The following CTDSP2 variants were observed in gnomAD, a reference collection of about 807,000 sequenced individuals.
CTDSP2 encodes CTD small phosphatase 2, also known as carboxy-terminal domain RNA polymerase II polypeptide A small phosphatase 2.
A neutral mutation model predicts 31.6 loss-of-function variants in CTDSP2; 9 were observed. The observed-to-expected ratio is 0.28, with a 90% CI of 0.17 to 0.50. The LOEUF is 0.50. Ranked by LOEUF, CTDSP2 falls within the 20% of genes least tolerant of loss-of-function variation. The pLI is 0.98. For missense variants in CTDSP2, 267 were observed against 348.5 expected (o/e 0.77, Z 1.86); for synonymous variants, 134 against 134.5 (o/e 1.00, Z 0.03).
chr12:57,845,858 C>T (rs559783968), intron 1 of CTDSP2, among the ~76,000 whole-genome samples: 4 of 152,248 alleles, frequency 2.6e-5, no homozygotes, highest in Admixed American at 2.0e-4. Flanking sequence ...TGAACTTGGT[C>T]CCAAGTCCCG....
At position 57,846,705 on chromosome 12, in the gene CTDSP2, G is replaced by A. The variant is rs796472025; in HGVS notation, c.-270C>T. 2.7e-6 allele frequency: 1 copy of A among 368,330 alleles called. No individual in the cohort carries two copies. Among genetic ancestry groups the A allele is most frequent in the South Asian group, 7.4e-5 (1 of 13,470 alleles). The allele number at this position is 368,330 out of a possible 1,614,324, so 22.8% of individuals were successfully genotyped here. On this transcript the variant is annotated 5_prime_UTR_variant, in exon 1 of 8. Coordinates refer to ENST00000398073, the MANE Select transcript of CTDSP2 (RefSeq NM_005730.4). ...GGGCTCCTCAGTTTGGGTCCAACAT[G>A]GAGAATCCGGAGCGAAAACAAGAGG...
At position 57,846,466 on chromosome 12, in the gene CTDSP2, G is replaced by GCTCC; in HGVS notation, c.-32_-31insGGAG. The GCTCC allele has an allele frequency of 6.5e-7, 1 of 1,545,952 alleles. No individual in the cohort carries two copies. Among genetic ancestry groups the GCTCC allele is most frequent in the Non-Finnish European group, 8.7e-7 (1 of 1,146,756 alleles). On this transcript the variant is annotated 5_prime_UTR_variant, in exon 1 of 8. Coordinates refer to ENST00000398073, the MANE Select transcript of CTDSP2 (RefSeq NM_005730.4). The stretch of plus-strand genomic sequence containing the variant: ...AATCCCGCGGGCCCGGGCTGGCTGG[G>GCTCC]CGGGAGGACGGGCGGGCGCGCGGGC...
At chr12:57,837,987 G>A (rs1398487321) in intron 1 of CTDSP2, among the ~76,000 whole-genome samples, 3 of 152,190 alleles carry the variant, frequency 2.0e-5, no homozygotes, top group African/African-American at 7.2e-5. Flanking sequence ...AGCTAGAGAG[G>A]TAAGAGGACT....
intron 1 of CTDSP2, among the ~76,000 whole-genome samples, chr12:57,844,029 TAAAAAATACAA>T (rs1409558132): frequency 6.6e-6 from 1 of 151,938 alleles, no homozygotes; most frequent in Non-Finnish European, 1.5e-5. Context: ...CTGTCTCTAC[TAAAAAATACAA>T]AAAAATTAGC....
Position 57,835,382 on chromosome 12 carries a change from C to T in CTDSP2, c.65-5786G>A, listed in dbSNP as rs561887372. 1.8e-4 allele frequency among the ~76,000 whole-genome samples: 28 copies of T among 152,018 alleles called. No individual in the cohort carries two copies. The Middle Eastern group carries it at 0.02, about 111-fold the overall frequency. On this transcript the variant is annotated intron_variant, in intron 1 of 7. Coordinates refer to ENST00000398073, the MANE Select transcript of CTDSP2 (RefSeq NM_005730.4). Reference sequence around the variant, plus strand: ...ATGTTGCCCAGGCTGGCCTTGAACTCCTGGGCTCAAGCAATCCTCCTGCCT... The same window carrying T: ...ATGTTGCCCAGGCTGGCCTTGAACTTCTGGGCTCAAGCAATCCTCCTGCCT...
Position 57,823,706 on chromosome 12 carries a change from C to T in CTDSP2, c.712G>A (p.Asp238Asn), listed in dbSNP as rs1430900253. The T allele has an allele frequency of 1.2e-6, 2 of 1,614,076 alleles. No homozygotes were observed. The highest frequency in any genetic ancestry group is 2.2e-5 in the East Asian group (1 of 44,880). Residue 238 changes from aspartate to asparagine, a missense_variant, in exon 8 of 8, where the codon GAT becomes AAT. Around this residue, in one of 2 missense-constraint regions of CTDSP2, gnomAD observed 156 missense variants for 241.3 expected, o/e 0.65. Transcript: ENST00000398073. ...AGCAACTCAGTGTCTGCCATGTCAT[C>T]AAACCAGGACTGCACAGGCACCTGG... ...ENAVPVQSWFDDMADTELLNL... is the reference protein window; with the variant it reads ...ENAVPVQSWFNDMADTELLNL...
At chr12:57,833,365 G>A (rs966593144) in intron 1 of CTDSP2, among the ~76,000 whole-genome samples, 12 of 152,186 alleles carry the variant, frequency 7.9e-5, no homozygotes, top group African/African-American at 2.9e-4. Context: ...GACCACAAAT[G>A]CCTTGACCTT....
intron 1 of CTDSP2, among the ~76,000 whole-genome samples, chr12:57,836,681 T>C (rs1956249765): frequency 6.6e-6 from 1 of 152,104 alleles, no homozygotes; most frequent in Non-Finnish European, 1.5e-5. Flanking sequence ...CGTGAACACG[T>C]GCACACATAC....
At chr12:57,828,883 G>C (rs1956198862) in intron 2 of CTDSP2, among the ~76,000 whole-genome samples, 1 of 152,230 alleles carries the variant, frequency 6.6e-6, no homozygotes, top group Non-Finnish European at 1.5e-5. Context: ...AATCCCAAAT[G>C]CCTTGCATGA....
At chr12:57,833,633 G>A (rs532765358) in intron 1 of CTDSP2, among the ~76,000 whole-genome samples, 9 of 152,340 alleles carry the variant, frequency 5.9e-5, no homozygotes, top group Admixed American at 5.2e-4. Context: ...GACCCTCTGC[G>A]TACCAGGTGC....
At chr12:57,827,715 T>C in intron 2 of CTDSP2, 125 bp from the exon 3 acceptor site, 2 of 878,502 alleles carry the variant, frequency 2.3e-6, no homozygotes, top group East Asian at 2.7e-5. Context: ...TGGAAGCTCC[T>C]ACCATGTCAA....
intron 2 of CTDSP2, among the ~76,000 whole-genome samples, chr12:57,828,208 T>G (rs1042660362): frequency 3.3e-5 from 5 of 151,904 alleles, no homozygotes; most frequent in Non-Finnish European, 7.4e-5. Flanking sequence ...TCACCTGAGG[T>G]CAGGAGTTCG....
intron 1 of CTDSP2, among the ~76,000 whole-genome samples, chr12:57,832,522 T>C (rs1056675911): frequency 9.2e-5 from 14 of 151,888 alleles, no homozygotes; most frequent in Non-Finnish European, 1.8e-4. Context: ...GCGGTCGTGG[T>C]GGCTCACACC....
At chr12:57,833,386 G>C (rs1279985226) in intron 1 of CTDSP2, among the ~76,000 whole-genome samples, 1 of 152,228 alleles carries the variant, frequency 6.6e-6, no homozygotes, top group Non-Finnish European at 1.5e-5. Flanking sequence ...GGGGGCAGGA[G>C]CTTGAAGCAG....
rs1421892768 is a variant in CTDSP2, at chr12:57,829,584, T to C, written c.77A>G (p.Lys26Arg). Residue 26 changes from lysine (K) to arginine (R), a missense_variant, in exon 2 of 8, where the codon AAG (lysine) becomes AGG (arginine). Lys to Arg is a conservative substitution (Grantham distance 26). Coordinates refer to ENST00000398073, the MANE Select transcript of CTDSP2 (RefSeq NM_005730.4). ...LVLTKQGLVS[K>R]SSPKKPRGRN... ...TCCACGAGGCTTCTTAGGAGAGGAC[T>C]TGGAGACCAGGCCTAGGGTGGAGAG... 2 of 1,614,110 alleles carry C rather than the reference T, an allele frequency of 1.2e-6. No individual in the cohort carries two copies. Among genetic ancestry groups the C allele is most frequent in the African/African-American group, 1.3e-5 (1 of 75,022 alleles).
In CTDSP2 at chr12:57,846,590, C is replaced by T; in HGVS notation, c.-155G>A. The stretch of plus-strand genomic sequence containing the variant: ...CCCCCCTCTCGTTTCCTCCCCGGAC[C>T]GGGAAGGGAGGCGGCCTGTACAAAG... On this transcript the variant is annotated 5_prime_UTR_variant, in exon 1 of 8. Transcript: ENST00000398073. 1 of 625,556 alleles carries T rather than the reference C, an allele frequency of 1.6e-6. No homozygotes were observed. The highest frequency in any genetic ancestry group is 2.6e-5 in the South Asian group (1 of 38,062). 38.8% of individuals were successfully genotyped at this position (625,556 alleles called of 1,614,324 possible). A position where few individuals can be genotyped will look rare whatever the true frequency, so the allele number is the denominator to read the frequency against.
At chr12:57,838,583 T>C (rs2140482669) in intron 1 of CTDSP2, among the ~76,000 whole-genome samples, 1 of 152,356 alleles carries the variant, frequency 6.6e-6, no homozygotes, top group Admixed American at 6.5e-5. Context: ...ACTGCTTCTT[T>C]CCCTTCCAGG....
chr12:57,830,724 G>A (rs1289266435), intron 1 of CTDSP2, among the ~76,000 whole-genome samples: 2 of 152,152 alleles, frequency 1.3e-5, no homozygotes, highest in Non-Finnish European at 2.9e-5. Context: ...TTGGGCGGTG[G>A]AAACAAAGTC....
At chr12:57,832,309 G>A (rs1956220592) in intron 1 of CTDSP2, among the ~76,000 whole-genome samples, 1 of 152,188 alleles carries the variant, frequency 6.6e-6, no homozygotes, top group Admixed American at 6.5e-5. Flanking sequence ...CCAGGGACAG[G>A]GATTTTGTCA....
Sources: allele counts gnomAD v4.1 joint callset (sites outside exome capture counted in the v4.1 genomes callset), GRCh38; gene constraint gnomAD v4.1.1; regional missense constraint gnomAD v4.1.1; transcripts MANE v1.5; gene names NCBI Gene and HGNC (gene_info 2026-07-23, HGNC 2026-07-21).